The following IMPG1 variants were observed in gnomAD, a reference collection of about 807,000 sequenced individuals.
The protein encoded by IMPG1 is interphotoreceptor matrix proteoglycan of 150 kDa.
Under a neutral mutation model 92.0 loss-of-function variants are expected in IMPG1, and 85 were observed. The ratio of observed to expected loss-of-function variants is 0.92; its 90% CI spans 0.78 to 1.11. IMPG1 has a LOEUF of 1.11. IMPG1 is among the 50% of genes least tolerant of loss of function. The pLI, the probability that IMPG1 is intolerant of heterozygous loss-of-function variation, is 0.00. For synonymous variants in IMPG1, 367 were observed against 334.1 expected (o/e 1.10, Z -1.08); for missense variants, 1,022 against 956.0 (o/e 1.07, Z -0.91).
chr6:75,958,414 G>T (rs893063530), intron 12 of IMPG1, among the ~76,000 whole-genome samples: 4 of 152,066 alleles, frequency 2.6e-5, no homozygotes, highest in African/African-American at 9.7e-5. Flanking sequence ...TATATTTTCT[G>T]AATTCAAATG....
intron 4 of IMPG1, among the ~76,000 whole-genome samples, chr6:76,033,162 G>A (rs1783679992): frequency 6.6e-6 from 1 of 152,172 alleles, no homozygotes; most frequent in African/African-American, 2.4e-5. Flanking sequence ...AAGGCCCTGT[G>A]GAAAGAACAG....
intron 1 of IMPG1, among the ~76,000 whole-genome samples, chr6:76,058,901 G>A (rs545536940): frequency 7.9e-5 from 12 of 152,228 alleles, no homozygotes; most frequent in African/African-American, 2.6e-4. Context: ...AAAGCCAATG[G>A]GACAGAGGTC....
chr6:76,047,214 C>T (rs12055849), intron 1 of IMPG1, among the ~76,000 whole-genome samples: 6,073 of 152,268 alleles, frequency 0.04, 169 homozygotes, highest in East Asian at 0.15. Flanking sequence ...CCTGCTTCCA[C>T]ACTGCAGTGC....
intron 1 of IMPG1, among the ~76,000 whole-genome samples, chr6:76,068,333 A>T (rs192423790): frequency 1.1e-3 from 175 of 152,280 alleles, no homozygotes; most frequent in African/African-American, 3.8e-3. Flanking sequence ...AGATGAACTC[A>T]GTAAAGGTTT....
At chr6:76,000,361 C>T (rs1395215432) in intron 12 of IMPG1, among the ~76,000 whole-genome samples, 2 of 152,194 alleles carry the variant, frequency 1.3e-5, no homozygotes, top group African/African-American at 4.8e-5. Flanking sequence ...TGATCACCAC[C>T]TCAATCTAGT....
intron 6 of IMPG1, among the ~76,000 whole-genome samples, chr6:76,020,433 T>A (rs553113450): frequency 7.2e-5 from 11 of 152,298 alleles, no homozygotes; most frequent in Middle Eastern, 3.4e-3. Context: ...GCAGATAGGA[T>A]GGCCAGCAAG....
chr6:75,989,293 A>C (rs1782774936), intron 12 of IMPG1, among the ~76,000 whole-genome samples: 2 of 152,110 alleles, frequency 1.3e-5, no homozygotes, highest in South Asian at 4.1e-4. Context: ...TGTACAACTA[A>C]ATCTATTTAA....
chr6:76,021,778 CATATATATATATAT>C (rs140827081), intron 6 of IMPG1, among the ~76,000 whole-genome samples: 2 of 49,486 alleles, frequency 4.0e-5, no homozygotes, highest in South Asian at 1.3e-3. Flanking sequence ...ACTTGGAGAG[CATATATATATATAT>C]ATATATATAT....
chr6:76,004,312 A>G (rs1783052352), intron 10 of IMPG1, among the ~76,000 whole-genome samples: 1 of 152,216 alleles, frequency 6.6e-6, no homozygotes. Flanking sequence ...AAATACTGGA[A>G]CCAAGGATCA....
At chr6:75,939,079 T>TC (rs1781796396) in intron 14 of IMPG1, among the ~76,000 whole-genome samples, 3 of 152,148 alleles carry the variant, frequency 2.0e-5, no homozygotes. Flanking sequence ...GCTCAAGCAA[T>TC]CCACCTGCCT....
chr6:75,947,982 AAAC>A (rs1781956571), intron 13 of IMPG1, among the ~76,000 whole-genome samples: 1 of 152,250 alleles, frequency 6.6e-6, no homozygotes, highest in Non-Finnish European at 1.5e-5. Flanking sequence ...CTATTAAAAC[AAAC>A]AACAACTTAA....
At chr6:75,964,416 C>T (rs1310592616) in intron 12 of IMPG1, among the ~76,000 whole-genome samples, 2 of 152,058 alleles carry the variant, frequency 1.3e-5, no homozygotes, top group Non-Finnish European at 2.9e-5. Context: ...CAGTGGCTCA[C>T]GCCTGTAATC....
chr6:76,046,929 A>G (rs1054265867), intron 1 of IMPG1, among the ~76,000 whole-genome samples: 16 of 152,328 alleles, frequency 1.1e-4, no homozygotes, highest in African/African-American at 3.8e-4. Flanking sequence ...TTTATAAATC[A>G]GTGAAAACCT....
intron 1 of IMPG1, among the ~76,000 whole-genome samples, chr6:76,048,286 A>T (rs1783979280): frequency 1.3e-5 from 2 of 152,088 alleles, no homozygotes; most frequent in Non-Finnish European, 2.9e-5. Context: ...CTCTAGTCTG[A>T]CTCAGTTTTG....
intron 13 of IMPG1, among the ~76,000 whole-genome samples, chr6:75,949,118 T>G (rs1283124068): frequency 1.3e-5 from 2 of 152,170 alleles, no homozygotes; most frequent in African/African-American, 4.8e-5. Context: ...CTAATTAACA[T>G]GCCATGGTTA....
intron 14 of IMPG1, among the ~76,000 whole-genome samples, chr6:75,934,361 A>G (rs1450644041): frequency 1.3e-5 from 2 of 152,202 alleles, no homozygotes; most frequent in East Asian, 3.8e-4. Flanking sequence ...TATTTGTATC[A>G]TTCTGAGATT....
rs779580990 is a variant in IMPG1, at chr6:75,922,043, C to T, written c.*46G>A. 3 of 873,884 alleles carry T rather than the reference C, an allele frequency of 3.4e-6. No homozygotes were observed. Among genetic ancestry groups the T allele is most frequent in the South Asian group, 1.4e-5 (1 of 69,496 alleles). 54.1% of individuals were successfully genotyped at this position (873,884 alleles called of 1,614,324 possible). A position where few individuals can be genotyped will look rare whatever the true frequency, so the allele number is the denominator to read the frequency against. On this transcript the variant is annotated 3_prime_UTR_variant, in exon 17 of 17. Coordinates refer to ENST00000369950, the MANE Select transcript of IMPG1 (RefSeq NM_001563.4). ...CTCCATTTTCCTTGAGAAGGCAAAT[C>T]ATCTCTCTTGAGATAGCCTAAATGA...
chr6:75,963,269 G>A (rs1208707397), intron 12 of IMPG1, among the ~76,000 whole-genome samples: 1 of 152,120 alleles, frequency 6.6e-6, no homozygotes, highest in African/African-American at 2.4e-5. Context: ...GAAACGATGA[G>A]TCAAAAATGC....
At chr6:75,930,161 C>T (rs1005397386) in intron 15 of IMPG1, among the ~76,000 whole-genome samples, 7 of 152,108 alleles carry the variant, frequency 4.6e-5, no homozygotes, top group African/African-American at 7.2e-5. Context: ...CCTCCTTTTC[C>T]TCCTTCTCAA....
Sources: allele counts gnomAD v4.1 joint callset (sites outside exome capture counted in the v4.1 genomes callset), GRCh38; gene constraint gnomAD v4.1.1; transcripts MANE v1.5; gene names NCBI Gene and HGNC (gene_info 2026-07-23, HGNC 2026-07-21).